AMMECR1: variants seen among roughly 807,000 people sequenced by gnomAD.
AMMECR1 encodes the protein AMMECR nuclear protein 1, also known as nuclear protein AMMECR1.
AMMECR1 carries 3 observed loss-of-function variants against 22.5 expected under a neutral mutation model. That is an observed-to-expected ratio of 0.13 (90% confidence interval 0.06 to 0.35). The LOEUF is 0.35. AMMECR1 is among the 10% of genes least tolerant of loss of function. The probability of loss-of-function intolerance (pLI) is 1.00; values close to 1 mark genes in which losing one functional copy is unlikely to be tolerated. For missense variants in AMMECR1, 235 were observed against 278.7 expected (o/e 0.84, Z 1.12); for synonymous variants, 130 against 116.7 (o/e 1.11, Z -0.74).
chrX:110,295,518 T>C (rs1181568025), intron 1 of AMMECR1, among the ~76,000 whole-genome samples: 1 of 111,900 alleles, frequency 8.9e-6, no homozygotes, highest in Non-Finnish European at 1.9e-5. Flanking sequence ...CTGTATTTTA[T>C]TGAAGTTTAT....
At chrX:110,332,677 G>C (rs1315687477) in intron 2 of AMMECR1, among the ~76,000 whole-genome samples, 18 of 111,593 alleles carry the variant, frequency 1.6e-4, no homozygotes, top group Non-Finnish European at 3.0e-4. Flanking sequence ...GTCAAAATCA[G>C]AAGTTCAGGA....
intron 2 of AMMECR1, among the ~76,000 whole-genome samples, chrX:110,380,603 T>A (rs929194851): frequency 8.9e-6 from 1 of 112,380 alleles, no homozygotes; most frequent in Non-Finnish European, 1.9e-5. Context: ...ATTTTAAAAT[T>A]CATATGGAAT....
rs756552019 is a variant in AMMECR1 at position 110,411,594 on chromosome X, A to AT, written c.-148+15063dup. 2.3e-3 allele frequency among the ~76,000 whole-genome samples: 255 copies of AT among 112,225 alleles called. 1 individual carries two copies. Among genetic ancestry groups the AT allele is most frequent in the Non-Finnish European group, 4.0e-3 (211 of 53,282 alleles). The stretch of plus-strand genomic sequence containing the variant: ...GTAGAATCTATGAAGAAAAAGAATG[A>AT]TAGATTTGACTATGCAAAAATTTAA... On this transcript the variant is annotated intron_variant, in intron 2 of 7. Coordinates refer to the AMMECR1 transcript ENST00000372057.
chrX:110,284,540 T>C (rs1039425076), intron 1 of AMMECR1, among the ~76,000 whole-genome samples: 4 of 112,188 alleles, frequency 3.6e-5, no homozygotes, highest in Non-Finnish European at 7.5e-5. Flanking sequence ...AATCTTAAGG[T>C]ATCATTGATA....
At chrX:110,298,504 C>G (rs1479467776) in intron 1 of AMMECR1, among the ~76,000 whole-genome samples, 1 of 110,365 alleles carries the variant, frequency 9.1e-6, no homozygotes, top group Non-Finnish European at 1.9e-5. Flanking sequence ...AACCTTATAC[C>G]TTTGTGTGTG....
intron 2 of AMMECR1, among the ~76,000 whole-genome samples, chrX:110,345,787 T>C (rs1602915208): frequency 8.9e-6 from 1 of 111,904 alleles, no homozygotes; most frequent in East Asian, 2.8e-4. Flanking sequence ...AGGACAAAAT[T>C]TGTACTATTA....
intron 2 of AMMECR1, among the ~76,000 whole-genome samples, chrX:110,333,787 C>A (rs999257674): frequency 2.8e-5 from 3 of 107,112 alleles, no homozygotes; most frequent in Non-Finnish European, 5.8e-5. Flanking sequence ...AACACATGGA[C>A]ATGGGGGTGC....
intron 1 of AMMECR1, among the ~76,000 whole-genome samples, chrX:110,293,951 T>A (rs2067921658): frequency 9.0e-6 from 1 of 111,514 alleles, no homozygotes; most frequent in Non-Finnish European, 1.9e-5. Context: ...ATAACTTAGC[T>A]CTCTTACTAG....
At chrX:110,424,623 AC>A (rs2068741201) in intron 2 of AMMECR1, among the ~76,000 whole-genome samples, 2 of 112,251 alleles carry the variant, frequency 1.8e-5, no homozygotes, top group South Asian at 7.4e-4. Flanking sequence ...TGTTCATAAG[AC>A]CTTCCAGGCA....
At chrX:110,212,316 A>G (rs1245203099) in intron 3 of AMMECR1, among the ~76,000 whole-genome samples, 2 of 111,499 alleles carry the variant, frequency 1.8e-5, no homozygotes, top group Admixed American at 9.5e-5. Context: ...GACCACAGGG[A>G]TATCTGTCTT....
rs1295745138 is a variant in AMMECR1 at position 110,197,487 on chromosome X, T to C, written c.*1033A>G. On this transcript the variant is annotated 3_prime_UTR_variant, in exon 6 of 6. Transcript: ENST00000262844. ...AGACAAATGTCTCTTATTGGTTATTTGCTCAAAATAATTTTTTTTCAGCTT... is the reference window on the plus strand; with the variant it reads ...AGACAAATGTCTCTTATTGGTTATTCGCTCAAAATAATTTTTTTTCAGCTT... The C allele has an allele frequency of 8.9e-6, 1 of 112,105 alleles. No individual in the cohort carries two copies. Among genetic ancestry groups the C allele is most frequent in the Admixed American group, 9.4e-5 (1 of 10,610 alleles). The allele number at this position is 112,105 out of a possible 1,213,427, so 9.2% of individuals were successfully genotyped here. A position where few individuals can be genotyped will look rare whatever the true frequency, so the allele number is the denominator to read the frequency against.
rs1205809595 is a variant in AMMECR1 at position 110,198,583 on chromosome X, G to A, written c.939C>T (p.Arg313=). 8.3e-7 allele frequency: 1 copy of A among 1,203,937 alleles called. No homozygotes were observed. The highest frequency in any genetic ancestry group is 1.7e-5 in the African/African-American group (1 of 57,326). Residue 313 remains arginine (R), a synonymous_variant, in exon 6 of 6, where the codon CGC becomes CGT. Coordinates refer to ENST00000262844, the MANE Select transcript of AMMECR1 (RefSeq NM_015365.3). ...TLSYAEYLAH[R]QHHHFQNGIG... ...TGCCATTTTGGAAATGATGATGCTG[G>A]CGATGAGCAAGGTATTCAGCATAGC... is the stretch of plus-strand genomic sequence containing the variant.
intron 1 of AMMECR1, among the ~76,000 whole-genome samples, chrX:110,266,979 G>A (rs965705871): frequency 3.6e-5 from 4 of 110,859 alleles, no homozygotes; most frequent in Non-Finnish European, 7.6e-5. Flanking sequence ...TAAGAATGAT[G>A]GTTTCCAGCT....
chrX:110,291,338 C>A (rs768392977), intron 1 of AMMECR1, among the ~76,000 whole-genome samples: 1 of 110,581 alleles, frequency 9.0e-6, no homozygotes, highest in Non-Finnish European at 1.9e-5. Flanking sequence ...GCCTGGCCAA[C>A]ATGGTGAAAC....
upstream of AMMECR1, among the ~76,000 whole-genome samples, chrX:110,322,807 A>C (rs980637992): frequency 7.1e-5 from 8 of 111,895 alleles, no homozygotes; most frequent in African/African-American, 2.0e-4. Context: ...TTCTCTCAGC[A>C]TGAGTAATAC....
chrX:110,419,072 C>T (rs1449305887), intron 2 of AMMECR1: 1 of 112,161 alleles, frequency 8.9e-6, no homozygotes, highest in African/African-American at 3.2e-5. Flanking sequence ...AGGGCCTCAG[C>T]CCCGCCCTAC....
chrX:110,343,276 T>G (rs937322397), intron 2 of AMMECR1, among the ~76,000 whole-genome samples: 1 of 111,720 alleles, frequency 9.0e-6, no homozygotes, highest in African/African-American at 3.3e-5. Flanking sequence ...GAAAAGGCCT[T>G]CGACAAAATT....
At chrX:110,322,191 A>G (rs183069803), upstream of AMMECR1, among the ~76,000 whole-genome samples, 1 of 112,279 alleles carries the variant, frequency 8.9e-6, no homozygotes, top group East Asian at 2.8e-4. Context: ...AGAAAGTTCT[A>G]TAAACTCCTT....
At chrX:110,370,068 G>A (rs1485246902) in intron 2 of AMMECR1, among the ~76,000 whole-genome samples, 2 of 111,484 alleles carry the variant, frequency 1.8e-5, no homozygotes, top group Non-Finnish European at 3.8e-5. Flanking sequence ...CTACCCTTTA[G>A]TCCTAATTCC....
Sources: allele counts gnomAD v4.1 joint callset (sites outside exome capture counted in the v4.1 genomes callset), GRCh38; gene constraint gnomAD v4.1.1; transcripts MANE v1.5; gene names NCBI Gene and HGNC (gene_info 2026-07-23, HGNC 2026-07-21).